The following LRRIQ1 variants were observed in gnomAD, a reference collection of about 807,000 sequenced individuals.
LRRIQ1 encodes leucine rich repeats and IQ motif containing 1.
In LRRIQ1, 210 loss-of-function variants were observed where a neutral mutation model predicts 211.9. The ratio of observed to expected loss-of-function variants is 0.99; its 90% CI spans 0.89 to 1.11. The LOEUF (loss-of-function observed/expected upper bound fraction) is 1.11, where lower values mean the gene tolerates loss of function less well. Among genes scored for constraint, LRRIQ1 ranks in the 50% most tolerant of loss-of-function variants. The probability of loss-of-function intolerance (pLI) is 0.00; values close to 1 mark genes in which losing one functional copy is unlikely to be tolerated. For synonymous variants in LRRIQ1, 699 were observed against 650.1 expected (o/e 1.08, Z -1.14); for missense variants, 2,136 against 1,939.5 (o/e 1.10, Z -1.90).
intron 15 of LRRIQ1, among the ~76,000 whole-genome samples, chr12:85,115,214 C>G (rs1048234832): frequency 1.3e-5 from 2 of 152,164 alleles, no homozygotes; most frequent in Admixed American, 6.5e-5. Context: ...TCACAGTATT[C>G]TGATACTTCA....
intron 24 of LRRIQ1, among the ~76,000 whole-genome samples, chr12:85,225,786 T>C (rs1311587995): frequency 6.6e-6 from 1 of 152,220 alleles, no homozygotes; most frequent in Admixed American, 6.5e-5. Flanking sequence ...AAGTATCCGT[T>C]AATTTATCCA....
At chr12:85,238,485 A>C (rs1340343142) in intron 26 of LRRIQ1, among the ~76,000 whole-genome samples, 1 of 152,144 alleles carries the variant, frequency 6.6e-6, no homozygotes, top group Non-Finnish European at 1.5e-5. Context: ...AAGCAGCTAA[A>C]GTATACATGA....
At chr12:85,192,478 TATATA>T (rs1892582752) in intron 24 of LRRIQ1, among the ~76,000 whole-genome samples, 3 of 126,998 alleles carry the variant, frequency 2.4e-5, no homozygotes, top group African/African-American at 8.9e-5. Flanking sequence ...TATATAAATA[TATATA>T]GTTATATAAT....
chr12:85,041,046 A>T (rs887476401), intron 3 of LRRIQ1, among the ~76,000 whole-genome samples: 2 of 151,720 alleles, frequency 1.3e-5, no homozygotes, highest in African/African-American at 4.8e-5. Flanking sequence ...TTTAATTAGA[A>T]TTAACCTTGG....
intron 8 of LRRIQ1, among the ~76,000 whole-genome samples, chr12:85,061,336 G>A (rs1437773930): frequency 1.3e-5 from 2 of 151,596 alleles, no homozygotes; most frequent in Non-Finnish European, 3.0e-5. Context: ...TTGATCTCAT[G>A]TATTTGGAAA....
At chr12:85,230,148 A>T (rs996168246) in intron 25 of LRRIQ1, among the ~76,000 whole-genome samples, 3 of 152,204 alleles carry the variant, frequency 2.0e-5, no homozygotes, top group Non-Finnish European at 2.9e-5. Flanking sequence ...AAGGTTGAAG[A>T]TATCAAATGT....
chr12:85,129,586 T>C (rs532509403), intron 18 of LRRIQ1, among the ~76,000 whole-genome samples: 3 of 152,232 alleles, frequency 2.0e-5, no homozygotes, highest in Admixed American at 1.3e-4. Flanking sequence ...AAATGTGACA[T>C]TGGAGAGAGA....
chr12:85,056,008 T>C lies in LRRIQ1; in HGVS notation c.1215T>C (p.Tyr405=). Residue 405 remains tyrosine (Y), a synonymous_variant, in exon 8 of 27, where the codon TAT becomes TAC. Coordinates refer to ENST00000393217, the MANE Select transcript of LRRIQ1 (RefSeq NM_001079910.2). ...IISSALKKSG[Y]NNKHLSLEDI... ...GTAGTGCATTAAAGAAGAGCGGATA[T>C]AATAACAAACATTTAAGTCTTGAAG... 2 of 1,607,830 alleles carry C rather than the reference T, an allele frequency of 1.2e-6. No individual in the cohort carries two copies. Among genetic ancestry groups the C allele is most frequent in the Non-Finnish European group, 1.7e-6 (2 of 1,177,974 alleles).
At chr12:85,207,798 A>AT (rs1230489838) in intron 24 of LRRIQ1, among the ~76,000 whole-genome samples, 1 of 152,014 alleles carries the variant, frequency 6.6e-6, no homozygotes, top group Non-Finnish European at 1.5e-5. Flanking sequence ...TTTTTTCTCT[A>AT]TTGTATTGCC....
chr12:85,157,096 C>A (rs1225262356), intron 23 of LRRIQ1, among the ~76,000 whole-genome samples: 6 of 151,666 alleles, frequency 4.0e-5, no homozygotes, highest in Admixed American at 3.3e-4. Flanking sequence ...CAGCAAAAAG[C>A]AGAGGGTCAA....
At chr12:85,253,511 A>G (rs1473952437) in intron 1 of LRRIQ1, among the ~76,000 whole-genome samples, 1 of 152,070 alleles carries the variant, frequency 6.6e-6, no homozygotes, top group African/African-American at 2.4e-5. Context: ...GGAGATTTTC[A>G]TACTTTATTG....
intron 7 of LRRIQ1, among the ~76,000 whole-genome samples, chr12:85,053,711 T>A (rs1237351368): frequency 2.0e-5 from 3 of 152,188 alleles, no homozygotes; most frequent in Non-Finnish European, 4.4e-5. Context: ...TATTTTGTTT[T>A]GTTTTTTGTT....
intron 19 of LRRIQ1, among the ~76,000 whole-genome samples, chr12:85,151,467 A>T (rs11116731): frequency 0.28 from 41,809 of 151,076 alleles, 5,923 homozygotes; most frequent in Admixed American, 0.33. Flanking sequence ...AACCTTTTTT[A>T]AAAAAAATTG....
At chr12:85,077,784 C>A (rs562391147) in intron 11 of LRRIQ1, among the ~76,000 whole-genome samples, 1 of 151,712 alleles carries the variant, frequency 6.6e-6, no homozygotes, top group South Asian at 2.1e-4. Context: ...CCAGCCTGGG[C>A]AACATAGTGA....
intron 17 of LRRIQ1, among the ~76,000 whole-genome samples, chr12:85,127,406 C>G (rs1034942820): frequency 1.2e-4 from 18 of 152,158 alleles, no homozygotes; most frequent in Admixed American, 9.8e-4. Context: ...GTAAAGGAAG[C>G]CTCCTTCCTC....
At chr12:85,087,907 C>G (rs1884992719) in intron 11 of LRRIQ1, among the ~76,000 whole-genome samples, 1 of 152,184 alleles carries the variant, frequency 6.6e-6, no homozygotes, top group Non-Finnish European at 1.5e-5. Flanking sequence ...CCTGTTCACT[C>G]TGATGGTAGT....
chr12:85,242,365 A>G (rs997414528), intron 26 of LRRIQ1, among the ~76,000 whole-genome samples: 1 of 152,008 alleles, frequency 6.6e-6, no homozygotes, highest in Non-Finnish European at 1.5e-5. Context: ...AAAAAACAAT[A>G]GAGTATAACA....
chr12:85,109,603 T>G (rs1364199445), intron 15 of LRRIQ1, among the ~76,000 whole-genome samples: 1 of 152,106 alleles, frequency 6.6e-6, no homozygotes, highest in African/African-American at 2.4e-5. Flanking sequence ...CTCAAAGGTG[T>G]GTCTCTTGAC....
chr12:85,185,118 T>G (rs904424979), intron 24 of LRRIQ1, among the ~76,000 whole-genome samples: 1 of 151,954 alleles, frequency 6.6e-6, no homozygotes, highest in Non-Finnish European at 1.5e-5. Flanking sequence ...TCTCAGATAC[T>G]GTTTTAGAAT....
Sources: allele counts gnomAD v4.1 joint callset (sites outside exome capture counted in the v4.1 genomes callset), GRCh38; gene constraint gnomAD v4.1.1; transcripts MANE v1.5; gene names NCBI Gene and HGNC (gene_info 2026-07-23, HGNC 2026-07-21).